Variants in MAP3K4 observed in about 807,000 individuals in gnomAD.
The protein encoded by MAP3K4 is MAP three kinase 1.
Under a neutral mutation model 185.6 loss-of-function variants are expected in MAP3K4, and 67 were observed. The ratio of observed to expected loss-of-function variants is 0.36; its 90% CI spans 0.30 to 0.44. The LOEUF (loss-of-function observed/expected upper bound fraction) is 0.44. Among genes scored for constraint, MAP3K4 ranks in the 20% least tolerant of loss-of-function variants. MAP3K4 has a pLI of 1.00. For synonymous variants in MAP3K4, 702 were observed against 710.4 expected (o/e 0.99, Z 0.19); for missense variants, 1,551 against 1,995.1 (o/e 0.78, Z 4.24).
At chr6:161,009,359 G>A (rs1781745210) in intron 1 of MAP3K4, among the ~76,000 whole-genome samples, 1 of 152,096 alleles carries the variant, frequency 6.6e-6, no homozygotes, top group Non-Finnish European at 1.5e-5. Flanking sequence ...CCAATTTCCA[G>A]AGCTCTTTTT....
At position 161,096,153 on chromosome 6, in the gene MAP3K4, T is replaced by C. The variant is rs1777561579; in HGVS notation, c.3428-927T>C. ...GTTAACAATCCCTTAAGTTTTGTTT[T>C]GTAAGTTCTGTAAGGGAACTTCAGA... On this transcript the variant is annotated intron_variant, in intron 15 of 26. Transcript: ENST00000392142. This position sits in a 1 kb window ranked among gnomAD's most constrained non-coding sequence, Gnocchi z 4.9. Among the ~76,000 whole-genome samples, 1 of 152,216 alleles carries C rather than the reference T, an allele frequency of 6.6e-6. No homozygotes were observed. The highest frequency in any genetic ancestry group is 1.5e-5 in the Non-Finnish European group (1 of 68,036).
At chr6:161,044,656 G>A (rs547915332) in intron 2 of MAP3K4, among the ~76,000 whole-genome samples, 13 of 152,264 alleles carry the variant, frequency 8.5e-5, no homozygotes, top group Admixed American at 3.9e-4. Flanking sequence ...TCCATTTTGC[G>A]TTGGCTATAA....
At chr6:161,010,998 C>T (rs1213777528) in intron 1 of MAP3K4, among the ~76,000 whole-genome samples, 2 of 152,134 alleles carry the variant, frequency 1.3e-5, no homozygotes, top group Non-Finnish European at 2.9e-5. Flanking sequence ...TTGCTTTAGA[C>T]ACTTCATTGG....
chr6:161,085,634 A>T (rs1002308016), intron 7 of MAP3K4, among the ~76,000 whole-genome samples: 3 of 152,232 alleles, frequency 2.0e-5, no homozygotes, highest in African/African-American at 7.2e-5. Context: ...TTAAAGAAAG[A>T]AGTTCCCACA....
At position 161,115,462 on chromosome 6, in the gene MAP3K4, A is replaced by G. The variant is rs918472971; in HGVS notation, c.4806+160A>G. On this transcript the variant is annotated intron_variant, in intron 26 of 26. Transcript: ENST00000392142. The surrounding 1 kb of genome is among the most constrained non-coding windows in gnomAD (Gnocchi z 6.0). ...CAGGGATTTTTGTATGTGTTTTTTC[A>G]TTTGGAAAATGTTCATTGAGGTTCT... Among the ~76,000 whole-genome samples, 3 of 152,150 alleles carry G rather than the reference A, an allele frequency of 2.0e-5. No individual in the cohort carries two copies. Among genetic ancestry groups the G allele is most frequent in the Non-Finnish European group, 4.4e-5 (3 of 68,024 alleles).
Position 161,112,015 on chromosome 6 carries a change from C to A in MAP3K4, c.4519+57C>A. On this transcript the variant is annotated intron_variant, in intron 24 of 26. Coordinates refer to ENST00000392142, the MANE Select transcript of MAP3K4 (RefSeq NM_005922.4). The surrounding 1 kb of genome is among the most constrained non-coding windows in gnomAD (Gnocchi z 5.1). ...TGACTTCATGCAGCCTGCTTGGGGC[C>A]TGCATGTTCCCTTCACCTTTGTTTG... 2 of 1,594,596 alleles carry A rather than the reference C, an allele frequency of 1.3e-6. No homozygotes were observed. The highest frequency in any genetic ancestry group is 1.7e-6 in the Non-Finnish European group (2 of 1,169,456).
chr6:161,002,324 G>A (rs1781360180), intron 1 of MAP3K4, among the ~76,000 whole-genome samples: 1 of 151,932 alleles, frequency 6.6e-6, no homozygotes, highest in South Asian at 2.1e-4. Context: ...TTTTTTAAAT[G>A]TTATACACTG....
rs1000658339 is a variant in MAP3K4 at position 161,022,749 on chromosome 6, G to A, written c.153-11510G>A. Among the ~76,000 whole-genome samples the A allele has an allele frequency of 2.0e-5, 3 of 152,044 alleles. No individual in the cohort carries two copies. Among genetic ancestry groups the A allele is most frequent in the Non-Finnish European group, 4.4e-5 (3 of 68,014 alleles). On this transcript the variant is annotated intron_variant, in intron 1 of 26. Transcript: ENST00000392142. The surrounding 1 kb of genome is among the most constrained non-coding windows in gnomAD (Gnocchi z 4.2). ...ACCTGTAGGAATCCTTGGGTACCTCGCATGTAACAGAGCACCTCCCATCAT... is the reference window on the plus strand; with the variant it reads ...ACCTGTAGGAATCCTTGGGTACCTCACATGTAACAGAGCACCTCCCATCAT...
chr6:161,005,200 A>G (rs1167253866), intron 1 of MAP3K4, among the ~76,000 whole-genome samples: 1 of 148,998 alleles, frequency 6.7e-6, no homozygotes, highest in Non-Finnish European at 1.5e-5. Context: ...GTGCGGTGGT[A>G]CCATCATGGC....
In MAP3K4 at chr6:161,097,540, C is replaced by CT. The variant is rs1777626625; in HGVS notation, c.3524+365dup. ...ACATTTGAAAACATACTAAATATCA[C>CT]TAAAAGTGGAGAAAAACTGGAATGA... On this transcript the variant is annotated intron_variant, in intron 16 of 26. Transcript: ENST00000392142. This position sits in a 1 kb window ranked among gnomAD's most constrained non-coding sequence, Gnocchi z 4.9. Among the ~76,000 whole-genome samples the CT allele has an allele frequency of 6.6e-6, 1 of 152,106 alleles. No homozygotes were observed. Among genetic ancestry groups the CT allele is most frequent in the African/African-American group, 2.4e-5 (1 of 41,400 alleles).
intron 1 of MAP3K4, among the ~76,000 whole-genome samples, chr6:161,026,078 C>T (rs1021421566): frequency 6.6e-6 from 1 of 152,294 alleles, no homozygotes; most frequent in East Asian, 1.9e-4. Flanking sequence ...GACATGCTCC[C>T]ACCTGTGCTC....
At position 161,076,079 on chromosome 6, in the gene MAP3K4, A is replaced by G. The variant is rs1364362784; in HGVS notation, c.2097+2467A>G. Reference sequence around the variant, plus strand: ...GAAATTGGCCACAATATCCTTTCCCATACCCTTCCAAAAATAAAAAGACTT... The same window carrying G: ...GAAATTGGCCACAATATCCTTTCCCGTACCCTTCCAAAAATAAAAAGACTT... On this transcript the variant is annotated intron_variant, in intron 5 of 26. Transcript: ENST00000392142. This position sits in a 1 kb window ranked among gnomAD's most constrained non-coding sequence, Gnocchi z 4.2. 4.6e-5 allele frequency among the ~76,000 whole-genome samples: 7 copies of G among 152,226 alleles called. No individual in the cohort carries two copies. The highest frequency in any genetic ancestry group is 1.7e-4 in the African/African-American group (7 of 41,450).
At position 161,073,285 on chromosome 6, in the gene MAP3K4, T is replaced by A; in HGVS notation, c.1951-181T>A. ...TTTATTTTCACTGTTTTGTTGCTTCTCAATTGAGACTACTAAGGTATTTAC... is the reference window on the plus strand; with the variant it reads ...TTTATTTTCACTGTTTTGTTGCTTCACAATTGAGACTACTAAGGTATTTAC... On this transcript the variant is annotated intron_variant, in intron 4 of 26. Transcript: ENST00000392142. This position sits in a 1 kb window ranked among gnomAD's most constrained non-coding sequence, Gnocchi z 4.2. 2.2e-6 allele frequency: 1 copy of A among 452,028 alleles called. No homozygotes were observed. The highest frequency in any genetic ancestry group is 4.1e-5 in the Admixed American group (1 of 24,466). 28.0% of individuals were successfully genotyped at this position (452,028 alleles called of 1,614,324 possible). A position where few individuals can be genotyped will look rare whatever the true frequency, so the allele number is the denominator to read the frequency against.
intron 1 of MAP3K4, among the ~76,000 whole-genome samples, chr6:161,020,656 TA>T (rs775816898): frequency 0.059 from 5,694 of 96,416 alleles, 113 homozygotes; most frequent in South Asian, 0.092. Context: ...AGACTCTGTC[TA>T]AAAAAAAAAA....
intron 3 of MAP3K4, among the ~76,000 whole-genome samples, chr6:161,055,820 G>T (rs190159765): frequency 1.3e-5 from 2 of 152,240 alleles, no homozygotes; most frequent in Non-Finnish European, 1.5e-5. Flanking sequence ...GTTTCTCCAG[G>T]AGTTACTATT....
chr6:161,098,769 A>G lies in MAP3K4; in HGVS notation c.3674+342A>G, dbSNP rs1311480662. ...CTCACAGAGAGAGCCTGGAGTCACA[A>G]GGTGGTTAAAAGATGGCATCTAGTT... On this transcript the variant is annotated intron_variant, in intron 17 of 26. Transcript: ENST00000392142. The surrounding 1 kb of genome is among the most constrained non-coding windows in gnomAD (Gnocchi z 4.4). Among the ~76,000 whole-genome samples the G allele has an allele frequency of 6.6e-6, 1 of 152,224 alleles. No homozygotes were observed. The highest frequency in any genetic ancestry group is 1.5e-5 in the Non-Finnish European group (1 of 68,036).
chr6:161,042,542 G>A (rs1783518483), intron 2 of MAP3K4, among the ~76,000 whole-genome samples: 1 of 152,058 alleles, frequency 6.6e-6, no homozygotes, highest in African/African-American at 2.4e-5. Flanking sequence ...TTATGCTTTT[G>A]GATAATGGTA....
At position 161,082,444 on chromosome 6, in the gene MAP3K4, C is replaced by T. The variant is rs971246438; in HGVS notation, c.2255+1406C>T. Among the ~76,000 whole-genome samples, 1 of 150,482 alleles carries T rather than the reference C, an allele frequency of 6.6e-6. No homozygotes were observed. The highest frequency in any genetic ancestry group is 2.0e-4 in the East Asian group (1 of 5,096). ...TCAGTCTTTGTGTTTCTATCTTTTGCTTGTCCTTCAAATTCCCTAGAGTGC... is the reference window on the plus strand; with the variant it reads ...TCAGTCTTTGTGTTTCTATCTTTTGTTTGTCCTTCAAATTCCCTAGAGTGC... On this transcript the variant is annotated intron_variant, in intron 6 of 26. Transcript: ENST00000392142. This position sits in a 1 kb window ranked among gnomAD's most constrained non-coding sequence, Gnocchi z 4.2.
Position 160,998,403 on chromosome 6 carries a change from A to T in MAP3K4, c.152+6320A>T, listed in dbSNP as rs142852727. ...TTACACATTTTATTTTAAAATAAAA[A>T]GCTAATCAGAGAGCCTAAATTCTTA... On this transcript the variant is annotated intron_variant, in intron 1 of 26. Transcript: ENST00000392142. 6.2e-4 allele frequency among the ~76,000 whole-genome samples: 94 copies of T among 152,368 alleles called. 2 individuals carry two copies. In the Middle Eastern group the frequency reaches 0.02, roughly 33 times the overall value.
Sources: allele counts gnomAD v4.1 joint callset (sites outside exome capture counted in the v4.1 genomes callset), GRCh38; gene constraint gnomAD v4.1.1; non-coding constraint Gnocchi (gnomAD v3.1); transcripts MANE v1.5; gene names NCBI Gene and HGNC (gene_info 2026-07-23, HGNC 2026-07-21).